The following CAMTA1 variants were observed in gnomAD, a reference collection of about 807,000 sequenced individuals.
The protein encoded by CAMTA1 is calmodulin-binding transcription activator 1.
CAMTA1 carries 27 observed loss-of-function variants against 170.9 expected under a neutral mutation model. The ratio of observed to expected loss-of-function variants is 0.16; its 90% CI spans 0.12 to 0.22. The LOEUF is 0.22. Ranked by LOEUF, CAMTA1 falls within the 10% of genes least tolerant of loss-of-function variation. CAMTA1 has a pLI of 1.00. For synonymous variants in CAMTA1, 833 were observed against 891.5 expected (o/e 0.93, Z 1.17); for missense variants, 1,619 against 2,217.2 (o/e 0.73, Z 5.42).
chr1:6,935,110 T>G (rs1018583332), intron 3 of CAMTA1, among the ~76,000 whole-genome samples: 3 of 152,218 alleles, frequency 2.0e-5, no homozygotes, highest in Non-Finnish European at 4.4e-5. Context: ...CCCAAATAAG[T>G]TTTTATTCTA....
chr1:6,986,881 C>G (rs557906605), intron 3 of CAMTA1, among the ~76,000 whole-genome samples: 6 of 152,156 alleles, frequency 3.9e-5, no homozygotes, highest in Admixed American at 6.5e-5. Context: ...TTTGGGGACA[C>G]AAAGCCTTGG....
At position 7,664,042 on chromosome 1, in the gene CAMTA1, G is replaced by A; in HGVS notation, c.1495G>A (p.Gly499Arg). The A allele has an allele frequency of 2.5e-6, 4 of 1,613,838 alleles. No homozygotes were observed. Among genetic ancestry groups the A allele is most frequent in the Non-Finnish European group, 3.4e-6 (4 of 1,180,046 alleles). Reference protein sequence around the residue: ...LNNPKQGQTYGGGGLKAEMVS... With the variant: ...LNNPKQGQTYRGGGLKAEMVS... Reference sequence around the variant, plus strand: ...TAACCCAAAGCAGGGCCAGACGTACGGGGGTGGAGGCCTGAAAGCCGAGAT... The same window carrying A: ...TAACCCAAAGCAGGGCCAGACGTACAGGGGTGGAGGCCTGAAAGCCGAGAT... Residue 499 changes from glycine to arginine, a missense_variant, in exon 9 of 23, where the codon GGG becomes AGG. Physicochemically the swap from Gly to Arg is moderately radical, Grantham distance 125 (BLOSUM62 -2). Around this residue, in one of 8 missense-constraint regions of CAMTA1, gnomAD observed 731 missense variants for 907.6 expected, o/e 0.81. Transcript: ENST00000303635.
rs1430541671 is a variant in CAMTA1, at chr1:7,426,888, G to T, written c.439-40942G>T. Among the ~76,000 whole-genome samples, 1 of 152,192 alleles carries T rather than the reference G, an allele frequency of 6.6e-6. No homozygotes were observed. On this transcript the variant is annotated intron_variant, in intron 5 of 22. Transcript: ENST00000303635. The surrounding 1 kb of genome is among the most constrained non-coding windows in gnomAD (Gnocchi z 4.8). ...GGGAGTCAGGTTGAGATGAAATTTG[G>T]TCCTTAAATCTGGCCTGTGTTTTTA...
chr1:6,873,849 C>T (rs999301441), intron 3 of CAMTA1, among the ~76,000 whole-genome samples: 10 of 152,138 alleles, frequency 6.6e-5, no homozygotes. Context: ...AAATGTGATT[C>T]ATTGAGAAAA....
In CAMTA1 at chr1:7,752,549, T is replaced by C; in HGVS notation, c.4958+16T>C. ...GTCGCCACAGGTACACTAGTCCTTG[T>C]TTATACATTCTGCTCAGGGAGAATG... On this transcript the variant is annotated intron_variant, in intron 21 of 22. Transcript: ENST00000303635. 2 of 1,585,404 alleles carry C rather than the reference T, an allele frequency of 1.3e-6. No individual in the cohort carries two copies. The highest frequency in any genetic ancestry group is 1.7e-6 in the Non-Finnish European group (2 of 1,164,742).
intron 10 of CAMTA1, among the ~76,000 whole-genome samples, chr1:7,676,288 T>C (rs1365448920): frequency 4.6e-5 from 7 of 152,026 alleles, no homozygotes; most frequent in Non-Finnish European, 1.0e-4. Flanking sequence ...CACTGTGGAG[T>C]CCTTTGGTTC....
chr1:6,859,926 G>C lies in CAMTA1; in HGVS notation c.234+34716G>C, dbSNP rs950797299. 4.6e-5 allele frequency among the ~76,000 whole-genome samples: 7 copies of C among 152,276 alleles called. No individual in the cohort carries two copies. The East Asian group carries it at 1.3e-3, about 29-fold the overall frequency. On this transcript the variant is annotated intron_variant, in intron 3 of 22. Transcript: ENST00000303635. ...TTTAAATCCTTTCTCAGCCCAACAG[G>C]TAGAAGACTCAGATCTCCTTTTAAT...
intron 6 of CAMTA1, 33 bp from the exon 7 acceptor site, chr1:7,640,367 C>A: frequency 6.2e-7 from 1 of 1,611,344 alleles, no homozygotes; most frequent in Non-Finnish European, 8.5e-7. Flanking sequence ...CTCCATGCCA[C>A]CCTCATGCTG....
chr1:6,806,641 T>C (rs893892673), intron 1 of CAMTA1, among the ~76,000 whole-genome samples: 3 of 152,228 alleles, frequency 2.0e-5, no homozygotes, highest in African/African-American at 7.2e-5. Context: ...CAAACAGCTC[T>C]TCCACGTAGC....
intron 2 of CAMTA1, among the ~76,000 whole-genome samples, chr1:6,823,383 A>G (rs980673655): frequency 5.3e-5 from 8 of 152,204 alleles, no homozygotes; most frequent in East Asian, 1.9e-4. Flanking sequence ...TTGGTTTCAC[A>G]GGAAGATTTT....
rs1002095041 is a variant in CAMTA1 at position 7,673,233 on chromosome 1, G to C, written c.2779+2196G>C. 6.6e-6 allele frequency among the ~76,000 whole-genome samples: 1 copy of C among 152,196 alleles called. No individual in the cohort carries two copies. The highest frequency in any genetic ancestry group is 2.4e-5 in the African/African-American group (1 of 41,444). ...GAAAGGCTGGGCTTTGTGTGGCCCC[G>C]GGGCTGGAGTCAGCCACACTCGGGT... On this transcript the variant is annotated intron_variant, in intron 10 of 22. Transcript: ENST00000303635. The surrounding 1 kb of genome is among the most constrained non-coding windows in gnomAD (Gnocchi z 4.6).
chr1:7,625,894 C>T lies in CAMTA1; in HGVS notation c.511-14506C>T, dbSNP rs919078310. Reference sequence around the variant, plus strand: ...TAGTATAGCAGGTCCCGTTATTACCCGAGGAGGCTTACAGGTTATCAGCGA... The same window carrying T: ...TAGTATAGCAGGTCCCGTTATTACCTGAGGAGGCTTACAGGTTATCAGCGA... On this transcript the variant is annotated intron_variant, in intron 6 of 22. Transcript: ENST00000303635. 5.3e-4 allele frequency among the ~76,000 whole-genome samples: 81 copies of T among 152,224 alleles called. 1 individual carries two copies. The highest frequency in any genetic ancestry group is 1.6e-4 in the Non-Finnish European group (11 of 68,010).
chr1:7,406,874 TTTTC>T (rs1481378026), intron 5 of CAMTA1, among the ~76,000 whole-genome samples: 1 of 152,066 alleles, frequency 6.6e-6, no homozygotes, highest in Non-Finnish European at 1.5e-5. Flanking sequence ...TTTCTGCCAG[TTTTC>T]TTTCTGAGTG....
At position 7,455,217 on chromosome 1, in the gene CAMTA1, C is replaced by T. The variant is rs1487315325; in HGVS notation, c.439-12613C>T. Reference sequence around the variant, plus strand: ...CCTCCTGCTTCTCTAGTGCAGGAGCCGCGGCTCGGCATGGTTCTGCGTGTG... The same window carrying T: ...CCTCCTGCTTCTCTAGTGCAGGAGCTGCGGCTCGGCATGGTTCTGCGTGTG... On this transcript the variant is annotated intron_variant, in intron 5 of 22. Coordinates refer to ENST00000303635, the MANE Select transcript of CAMTA1 (RefSeq NM_015215.4). The surrounding 1 kb of genome is among the most constrained non-coding windows in gnomAD (Gnocchi z 5.0). 2.0e-5 allele frequency among the ~76,000 whole-genome samples: 3 copies of T among 152,148 alleles called. No individual in the cohort carries two copies. The highest frequency in any genetic ancestry group is 4.4e-5 in the Non-Finnish European group (3 of 68,028).
intron 3 of CAMTA1, among the ~76,000 whole-genome samples, chr1:7,074,573 TTC>T (rs1639057651): frequency 6.6e-6 from 1 of 152,222 alleles, no homozygotes; most frequent in Non-Finnish European, 1.5e-5. Context: ...ATCTTGCTTT[TTC>T]TCCTCAATGT....
rs1291399393 is a variant in CAMTA1 at position 7,500,291 on chromosome 1, A to AGT, written c.510+32400_510+32401dup. 1.3e-4 allele frequency among the ~76,000 whole-genome samples: 14 copies of AGT among 104,948 alleles called. No individual in the cohort carries two copies. The South Asian group carries it at 2.6e-3, about 19-fold the overall frequency. The allele number at this position is 104,948 out of a possible 152,430, so 68.8% of individuals were successfully genotyped here. ...CCTGGTGTGCGTGCATATGTATATG[A>AGT]GTGTGTGTGTGCATGTGTGTCCGTG... On this transcript the variant is annotated intron_variant, in intron 6 of 22. Coordinates refer to ENST00000303635, the MANE Select transcript of CAMTA1 (RefSeq NM_015215.4).
intron 5 of CAMTA1, among the ~76,000 whole-genome samples, chr1:7,283,354 T>C (rs1671786386): frequency 6.6e-6 from 1 of 152,186 alleles, no homozygotes; most frequent in Admixed American, 6.5e-5. Flanking sequence ...CTCCTCAAGT[T>C]TTGGGCAAAA....
Position 7,534,007 on chromosome 1 carries a change from T to G in CAMTA1, c.510+66106T>G, listed in dbSNP as rs1228291907. 6.6e-6 allele frequency among the ~76,000 whole-genome samples: 1 copy of G among 152,090 alleles called. No individual in the cohort carries two copies. Among genetic ancestry groups the G allele is most frequent in the Non-Finnish European group, 1.5e-5 (1 of 68,006 alleles). ...CTTCTGGATGCCGCATGGTCAAGCC[T>G]CATCTACTGTACCTGGAGCCTTCTC... is the stretch of plus-strand genomic sequence containing the variant. On this transcript the variant is annotated intron_variant, in intron 6 of 22. Coordinates refer to ENST00000303635, the MANE Select transcript of CAMTA1 (RefSeq NM_015215.4). The surrounding 1 kb of genome is among the most constrained non-coding windows in gnomAD (Gnocchi z 5.6).
intron 5 of CAMTA1, among the ~76,000 whole-genome samples, chr1:7,305,476 A>G (rs1675443206): frequency 6.6e-6 from 1 of 151,992 alleles, no homozygotes. Flanking sequence ...TGATCTGTTC[A>G]CCAACACCAT....
Sources: allele counts gnomAD v4.1 joint callset (sites outside exome capture counted in the v4.1 genomes callset), GRCh38; gene constraint gnomAD v4.1.1; regional missense constraint gnomAD v4.1.1; non-coding constraint Gnocchi (gnomAD v3.1); transcripts MANE v1.5; gene names NCBI Gene and HGNC (gene_info 2026-07-23, HGNC 2026-07-21).